BMPER: variants seen among roughly 807,000 people sequenced by gnomAD.
BMPER encodes BMP binding endothelial regulator.
BMPER carries 45 observed loss-of-function variants against 87.3 expected under a neutral mutation model. The ratio of observed to expected loss-of-function variants is 0.52; its 90% CI spans 0.41 to 0.66. The LOEUF (loss-of-function observed/expected upper bound fraction) is 0.66, where lower values mean the gene tolerates loss of function less well. BMPER is among the 30% of genes least tolerant of loss of function. The pLI is 0.00. For synonymous variants in BMPER, 326 were observed against 316.2 expected (o/e 1.03, Z -0.33); for missense variants, 784 against 867.5 (o/e 0.90, Z 1.21).
chr7:33,925,134 C>G (rs1055223933), intron 2 of BMPER, among the ~76,000 whole-genome samples: 5 of 152,198 alleles, frequency 3.3e-5, no homozygotes, highest in Admixed American at 6.5e-5. Context: ...ATGGCCCTCC[C>G]ATGTTCATTT....
chr7:34,042,407 A>G (rs1358303768), intron 6 of BMPER, among the ~76,000 whole-genome samples: 1 of 152,196 alleles, frequency 6.6e-6, no homozygotes, highest in African/African-American at 2.4e-5. Context: ...TATGTATTTT[A>G]ACCACTTAGG....
chr7:34,086,223 G>C (rs1391266116), intron 13 of BMPER, 131 bp downstream of exon 13: 2 of 1,042,184 alleles, frequency 1.9e-6, no homozygotes, highest in Non-Finnish European at 2.8e-6. Flanking sequence ...TCTTCTTGCT[G>C]TCCAGGAGCT....
At chr7:34,054,610 A>G (rs1788234394) in intron 8 of BMPER, among the ~76,000 whole-genome samples, 2 of 152,172 alleles carry the variant, frequency 1.3e-5, no homozygotes, top group South Asian at 4.1e-4. Flanking sequence ...ACTACATTAG[A>G]GCTCTGGAAC....
chr7:34,064,576 C>T (rs1386473087), intron 11 of BMPER, among the ~76,000 whole-genome samples: 1 of 152,182 alleles, frequency 6.6e-6, no homozygotes, highest in Non-Finnish European at 1.5e-5. Context: ...TGAGCTCATG[C>T]CTTCTATCAC....
intron 2 of BMPER, among the ~76,000 whole-genome samples, chr7:33,916,996 G>A (rs73693046): frequency 0.021 from 3,154 of 152,186 alleles, 114 homozygotes; most frequent in African/African-American, 0.072. Flanking sequence ...TGAAATGAAT[G>A]TAATCACATT....
intron 2 of BMPER, among the ~76,000 whole-genome samples, chr7:33,907,478 T>TGG (rs1783851559): frequency 6.6e-6 from 1 of 152,186 alleles, no homozygotes; most frequent in African/African-American, 2.4e-5. Context: ...GACAATTCCA[T>TGG]CCTTAATAGA....
chr7:34,073,990 G>A (rs1226447358), intron 11 of BMPER, among the ~76,000 whole-genome samples: 1 of 152,226 alleles, frequency 6.6e-6, no homozygotes, highest in Non-Finnish European at 1.5e-5. Flanking sequence ...GCAGAGGCCT[G>A]GATGGTAGCA....
At chr7:34,099,191 C>A (rs149931896) in intron 13 of BMPER, among the ~76,000 whole-genome samples, 1 of 152,134 alleles carries the variant, frequency 6.6e-6, no homozygotes, top group Non-Finnish European at 1.5e-5. Context: ...ACAGGAGTTA[C>A]CAACATTGTC....
At chr7:34,126,208 G>T (rs1223511815) in intron 13 of BMPER, among the ~76,000 whole-genome samples, 1 of 152,200 alleles carries the variant, frequency 6.6e-6, no homozygotes, top group Non-Finnish European at 1.5e-5. Context: ...TCTCCAGTTA[G>T]CCTGGAAGAT....
At chr7:33,917,442 C>G (rs1235906586) in intron 2 of BMPER, among the ~76,000 whole-genome samples, 1 of 151,942 alleles carries the variant, frequency 6.6e-6, no homozygotes, top group Non-Finnish European at 1.5e-5. Flanking sequence ...GTGGTACTAA[C>G]CTACCTCTGC....
chr7:34,054,010 C>T (rs992900621), intron 8 of BMPER, among the ~76,000 whole-genome samples: 1 of 152,230 alleles, frequency 6.6e-6, no homozygotes, highest in Non-Finnish European at 1.5e-5. Flanking sequence ...AACAGCCTAT[C>T]TCAGGTGTCA....
At chr7:33,972,801 T>A (rs1785582943) in intron 5 of BMPER, among the ~76,000 whole-genome samples, 1 of 152,238 alleles carries the variant, frequency 6.6e-6, no homozygotes, top group African/African-American at 2.4e-5. Flanking sequence ...AATTACGGGA[T>A]CATGAATCAA....
intron 2 of BMPER, among the ~76,000 whole-genome samples, chr7:33,912,386 C>T (rs1251498261): frequency 6.6e-6 from 1 of 152,192 alleles, no homozygotes; most frequent in Non-Finnish European, 1.5e-5. Flanking sequence ...CCTACTTACT[C>T]AATGCTCCCC....
chr7:33,939,216 T>A (rs115318844), intron 3 of BMPER, among the ~76,000 whole-genome samples: 1,830 of 152,290 alleles, frequency 0.012, 37 homozygotes, highest in African/African-American at 0.041. Context: ...TGCTTTCTTA[T>A]GCTGTAGTGT....
chr7:34,064,694 G>A (rs1297002482), intron 11 of BMPER, among the ~76,000 whole-genome samples: 3 of 152,324 alleles, frequency 2.0e-5, no homozygotes, highest in African/African-American at 7.2e-5. Context: ...GAAGGGCCCA[G>A]GCATGTGGTT....
chr7:34,002,221 TG>T (rs1324991283), intron 6 of BMPER, among the ~76,000 whole-genome samples: 1 of 151,800 alleles, frequency 6.6e-6, no homozygotes, highest in East Asian at 1.9e-4. Flanking sequence ...TTTATGATGG[TG>T]AGAAAATGAT....
At chr7:33,941,057 A>AT (rs1280697247) in intron 3 of BMPER, among the ~76,000 whole-genome samples, 1 of 133,814 alleles carries the variant, frequency 7.5e-6, no homozygotes, top group African/African-American at 2.8e-5. Context: ...TTTATATGTA[A>AT]TATATTACAT....
chr7:34,014,054 C>G (rs1056454792), intron 6 of BMPER, among the ~76,000 whole-genome samples: 1 of 151,936 alleles, frequency 6.6e-6, no homozygotes, highest in Non-Finnish European at 1.5e-5. Flanking sequence ...TAAGGACCCT[C>G]TCTGTAATTG....
chr7:34,101,050 G>A (rs1490284088), intron 13 of BMPER, among the ~76,000 whole-genome samples: 5 of 152,150 alleles, frequency 3.3e-5, no homozygotes, highest in East Asian at 3.8e-4. Context: ...GACAAGGTCC[G>A]GACATGATCT....
Sources: gnomAD v4.1 joint callset for allele counts (sites outside exome capture counted in the v4.1 genomes callset) on GRCh38, gnomAD v4.1.1 for gene constraint, MANE v1.5 for transcripts, NCBI Gene and HGNC (gene_info 2026-07-23, HGNC 2026-07-21) for gene names.